PCDH12: variants seen among roughly 807,000 people sequenced by gnomAD.
The protein encoded by PCDH12 is protocadherin-12.
Under a neutral mutation model 70.9 loss-of-function variants are expected in PCDH12, and 45 were observed. That is an observed-to-expected ratio of 0.63 (90% CI 0.50 to 0.81). The LOEUF (loss-of-function observed/expected upper bound fraction) is 0.81, where lower values mean the gene tolerates loss of function less well. Ranked by LOEUF, PCDH12 falls within the 40% of genes least tolerant of loss-of-function variation. The probability of loss-of-function intolerance (pLI) is 0.00; values close to 1 mark genes in which losing one functional copy is unlikely to be tolerated. For synonymous variants in PCDH12, 567 were observed against 626.0 expected, an observed-to-expected ratio of 0.91 and a Z score of 1.41; for missense variants, 1,370 against 1,491.7, an observed-to-expected ratio of 0.92 and a Z score of 1.34.
At position 141,951,584 on chromosome 5, in the gene PCDH12, A is replaced by G. The variant is rs1390081917; in HGVS notation, c.2887T>C (p.Ser963Pro). The G allele has an allele frequency of 6.2e-7, 1 of 1,613,702 alleles. No homozygotes were observed. Among genetic ancestry groups the G allele is most frequent in the African/African-American group, 1.3e-5 (1 of 74,914 alleles). Residue 963 changes from serine to proline, a missense_variant, in exon 2 of 4, where the codon TCC (serine) becomes CCC (proline). Physicochemically the swap from Ser to Pro is moderately conservative, Grantham distance 74 (BLOSUM62 -1). Coordinates refer to ENST00000231484, the MANE Select transcript of PCDH12 (RefSeq NM_016580.4). ...TGATGCAGCAAGGACAGCAGCTGGG[A>G]GATTTGCTACAAGACAGGAAAAATC... The part of the protein sequence containing the change: ...TVDSPPVQQI[S>P]QLLSLLHQGQ...
intron 3 of PCDH12, 39 bp downstream of exon 3, chr5:141,949,393 G>A: frequency 1.3e-6 from 2 of 1,584,828 alleles, no homozygotes; most frequent in African/African-American, 1.3e-5. Flanking sequence ...GACACCATGG[G>A]GCAGAAGCAG....
At chr5:141,954,350 A>T (rs1205147111) in intron 1 of PCDH12, among the ~76,000 whole-genome samples, 1 of 152,258 alleles carries the variant, frequency 6.6e-6, no homozygotes, top group Non-Finnish European at 1.5e-5. Flanking sequence ...GAAGTTGCCC[A>T]GATGAGATGA....
intron 1 of PCDH12, among the ~76,000 whole-genome samples, chr5:141,952,098 T>C (rs1303566942): frequency 6.6e-6 from 1 of 152,186 alleles, no homozygotes; most frequent in Non-Finnish European, 1.5e-5. Context: ...ACTTAATAAG[T>C]GCCAGGCAGG....
In PCDH12 at chr5:141,949,690, C is replaced by G. The variant is rs1373969386; in HGVS notation, c.2979-107G>C. 6.6e-6 allele frequency: 9 copies of G among 1,369,566 alleles called. No individual in the cohort carries two copies. In the East Asian group the frequency reaches 2.2e-4, roughly 33 times the overall value. The allele number at this position is 1,369,566 out of a possible 1,614,324, so 84.8% of individuals were successfully genotyped here. A position where few individuals can be genotyped will look rare whatever the true frequency, so the allele number is the denominator to read the frequency against. The stretch of plus-strand genomic sequence containing the variant: ...ATTTACCCATATAGGGAACTGGATA[C>G]ACAGCCTGGCCTCTAGAGTCAGACC... On this transcript the variant is annotated intron_variant, in intron 2 of 3. Coordinates refer to ENST00000231484, the MANE Select transcript of PCDH12 (RefSeq NM_016580.4).
chr5:141,957,153 G>A lies in PCDH12; in HGVS notation c.699C>T (p.Asn233=), dbSNP rs1378138682. Residue 233 remains asparagine (N), a synonymous_variant, in exon 1 of 4, where the codon AAC becomes AAT. Transcript: ENST00000231484. This position sits in a 1 kb window ranked among gnomAD's most constrained non-coding sequence, Gnocchi z 4.3. Reference sequence around the variant, plus strand: ...GGCTATTGTCATTGGAGTCCAAGACGTTGACCTTGACCAAGCTGGTACCTG... The same window carrying A: ...GGCTATTGTCATTGGAGTCCAAGACATTGACCTTGACCAAGCTGGTACCTG... ...PKSGTSLVKV[N]VLDSNDNSPA... The A allele has an allele frequency of 1.9e-5, 30 of 1,614,048 alleles. No individual in the cohort carries two copies. Among genetic ancestry groups the A allele is most frequent in the South Asian group, 8.8e-5 (8 of 91,088 alleles).
chr5:141,945,682 C>G lies in PCDH12; in HGVS notation c.3254G>C (p.Arg1085Thr). The change falls in exon 4 of 4, where the codon AGG becomes ACG. Residue 1085 changes from arginine (R) to threonine (T), a missense_variant. Transcript: ENST00000231484. Reference protein sequence around the residue: ...SPDAAATEEPRTFQTFGKAEA... With the variant: ...SPDAAATEEPTTFQTFGKAEA... ...TGCCTTGCCGAACGTCTGGAAGGTC[C>G]TTGGCTCCTCCGTGGCTGCAGCATC... The G allele has an allele frequency of 6.2e-7, 1 of 1,614,206 alleles. No individual in the cohort carries two copies. The highest frequency in any genetic ancestry group is 1.7e-5 in the Admixed American group (1 of 60,022).
chr5:141,954,860 C>T, intron 1 of PCDH12, 112 bp downstream of exon 1: 1 of 1,363,918 alleles, frequency 7.3e-7, no homozygotes, highest in Non-Finnish European at 9.9e-7. Context: ...TCAGAAAGTG[C>T]CAGGTGAGCC....
rs1341916405 is a variant in PCDH12, at chr5:141,945,664, CCGA to C, written c.3269_3271del (p.Phe1090_Gly1091delinsCys). The C allele has an allele frequency of 2.5e-6, 4 of 1,614,214 alleles. No homozygotes were observed. In the Admixed American group the frequency reaches 6.7e-5, roughly 27 times the overall value. ...GCTCAGCTCTGGTGCCTCTGCCTTG[CCGA>C]ACGTCTGGAAGGTCCTTGGCTCCTC... On this transcript the variant is annotated inframe_deletion, in exon 4 of 4. Coordinates refer to ENST00000231484, the MANE Select transcript of PCDH12 (RefSeq NM_016580.4).
At position 141,955,792 on chromosome 5, in the gene PCDH12, G is replaced by T; in HGVS notation, c.2060C>A (p.Thr687Asn). 5.6e-6 allele frequency: 9 copies of T among 1,613,874 alleles called. No individual in the cohort carries two copies. The highest frequency in any genetic ancestry group is 7.6e-6 in the Non-Finnish European group (9 of 1,179,906). The change falls in exon 1 of 4, where the codon ACC becomes AAC. Residue 687 changes from threonine (T) to asparagine (N), a missense_variant. Thr to Asn is a moderately conservative substitution (Grantham distance 65). Transcript: ENST00000231484. This position sits in a 1 kb window ranked among gnomAD's most constrained non-coding sequence, Gnocchi z 5.5. ...AAACATGACCCTCAACAGGGCTCGG[G>T]TCTGTAAGGGGGGGCTTCCCTGGTC... ...VEDQGSPPLQ[T>N]RALLRVMFVT...
In PCDH12 at chr5:141,955,214, G is replaced by C. The variant is rs751543859; in HGVS notation, c.2638C>G (p.Leu880Val). Residue 880 changes from leucine to valine, a missense_variant, in exon 1 of 4, where the codon CTG (leucine) becomes GTG (valine). Physicochemically the swap from Leu to Val is conservative, Grantham distance 32 (BLOSUM62 1). Coordinates refer to ENST00000231484, the MANE Select transcript of PCDH12 (RefSeq NM_016580.4). The surrounding 1 kb of genome is among the most constrained non-coding windows in gnomAD (Gnocchi z 5.5). ...CCTGTGGGGCTGCCTGCAACCTTCA[G>C]AGGCCTGGAACGTGGCTGGCCTGTG... is the stretch of plus-strand genomic sequence containing the variant. ...PATGQPRSRP[L>V]KVAGSPTGRL... The C allele has an allele frequency of 6.2e-7, 1 of 1,614,244 alleles. No homozygotes were observed. The highest frequency in any genetic ancestry group is 8.5e-7 in the Non-Finnish European group (1 of 1,180,038).
At chr5:141,952,426 CTCCA>C (rs1441943875) in intron 1 of PCDH12, 1 of 152,202 alleles carries the variant, frequency 6.6e-6, no homozygotes, top group Non-Finnish European at 1.5e-5. Flanking sequence ...GACCCAAAGG[CTCCA>C]TAGGAGTTTG....
rs770332420 is a variant in PCDH12 at position 141,957,084 on chromosome 5, ATCT to A, written c.765_767del (p.Glu255del). On this transcript the variant is annotated inframe_deletion, in exon 1 of 4. Coordinates refer to ENST00000231484, the MANE Select transcript of PCDH12 (RefSeq NM_016580.4). This position sits in a 1 kb window ranked among gnomAD's most constrained non-coding sequence, Gnocchi z 4.3. ...TTATGAGAAGCGTACCAGGTGCAGC[ATCT>A]TCTTGGATTTCCAGTGCCAGTGAAC... 6.2e-7 allele frequency: 1 copy of A among 1,614,184 alleles called. No individual in the cohort carries two copies. The highest frequency in any genetic ancestry group is 8.5e-7 in the Non-Finnish European group (1 of 1,180,032).
At chr5:141,950,895 TACC>T (rs1025339872) in intron 2 of PCDH12, among the ~76,000 whole-genome samples, 3 of 152,188 alleles carry the variant, frequency 2.0e-5, no homozygotes, top group African/African-American at 7.2e-5. Context: ...CTCACCCCAT[TACC>T]ACAAGGGAAA....
chr5:141,945,869 G>A (rs1481346766), intron 3 of PCDH12, 64 bp from the exon 4 acceptor site: 7 of 1,480,478 alleles, frequency 4.7e-6, no homozygotes, highest in Non-Finnish European at 6.5e-6. Flanking sequence ...GGGTGAGGGT[G>A]GGGCAATGAG....
intron 1 of PCDH12, among the ~76,000 whole-genome samples, 176 bp from the exon 2 acceptor site, chr5:141,951,766 A>G (rs1753088251): frequency 6.6e-6 from 1 of 152,150 alleles, no homozygotes; most frequent in African/African-American, 2.4e-5. Flanking sequence ...CTGGGCGGGC[A>G]GGTCCCCTGC....
chr5:141,946,098 C>T (rs962222753), intron 3 of PCDH12, among the ~76,000 whole-genome samples: 3 of 152,128 alleles, frequency 2.0e-5, no homozygotes, highest in East Asian at 1.9e-4. Flanking sequence ...CCAATCTGGG[C>T]GTGTGTTTCC....
In PCDH12 at chr5:141,945,701, C is replaced by G. The variant is rs1298630910; in HGVS notation, c.3235G>C (p.Ala1079Pro). The change falls in exon 4 of 4, where the codon GCA becomes CCA. Residue 1079 changes from alanine (A) to proline (P), a missense_variant. Transcript: ENST00000231484. ...YRDNVISPDA[A>P]ATEEPRTFQT... ...AAGGTCCTTGGCTCCTCCGTGGCTGCAGCATCCGGGGAGATCACATTGTCA... is the reference window on the plus strand; with the variant it reads ...AAGGTCCTTGGCTCCTCCGTGGCTGGAGCATCCGGGGAGATCACATTGTCA... 6.2e-7 allele frequency: 1 copy of G among 1,614,178 alleles called. No individual in the cohort carries two copies. The highest frequency in any genetic ancestry group is 8.5e-7 in the Non-Finnish European group (1 of 1,180,020).
chr5:141,954,900 T>G, intron 1 of PCDH12, 72 bp downstream of exon 1: 1 of 1,532,516 alleles, frequency 6.5e-7, no homozygotes, highest in Non-Finnish European at 8.8e-7. Flanking sequence ...CTGTGCAGGT[T>G]ATGGGGGTGT....
rs753620534 is a variant in PCDH12, at chr5:141,957,060, T to C, written c.792A>G (p.Ile264Met). The part of the protein sequence containing the change: ...QEDAAPGTLL[I>M]KLTATDPDQG... ...GGTCAGGGTCTGTGGCGGTCAGTTTTATGAGAAGCGTACCAGGTGCAGCAT... is the reference window on the plus strand; with the variant it reads ...GGTCAGGGTCTGTGGCGGTCAGTTTCATGAGAAGCGTACCAGGTGCAGCAT... Residue 264 changes from isoleucine to methionine, a missense_variant, in exon 1 of 4, where the codon ATA becomes ATG. Physicochemically the swap from Ile to Met is conservative, Grantham distance 10 (BLOSUM62 1). Transcript: ENST00000231484. The surrounding 1 kb of genome is among the most constrained non-coding windows in gnomAD (Gnocchi z 4.3). The C allele has an allele frequency of 6.8e-6, 11 of 1,614,190 alleles. No individual in the cohort carries two copies. Among genetic ancestry groups the C allele is most frequent in the Non-Finnish European group, 9.3e-6 (11 of 1,180,020 alleles).
Sources: gnomAD v4.1 joint callset for allele counts (sites outside exome capture counted in the v4.1 genomes callset) on GRCh38, gnomAD v4.1.1 for gene constraint, Gnocchi (gnomAD v3.1) non-coding constraint, MANE v1.5 for transcripts, NCBI Gene and HGNC (gene_info 2026-07-23, HGNC 2026-07-21) for gene names.